ERMARD: variants seen among roughly 807,000 people sequenced by gnomAD.
ERMARD encodes the protein ER membrane associated RNA degradation.
A neutral mutation model predicts 83.9 loss-of-function variants in ERMARD; 71 were observed. That is an observed-to-expected ratio of 0.85 (90% CI 0.70 to 1.03). ERMARD has a LOEUF of 1.03. Ranked by LOEUF, ERMARD falls within the 50% of genes least tolerant of loss-of-function variation. ERMARD has a pLI of 0.00. For missense variants in ERMARD, 838 were observed against 810.9 expected, an observed-to-expected ratio of 1.03 and a Z score of -0.41; for synonymous variants, 284 against 298.6, an observed-to-expected ratio of 0.95 and a Z score of 0.50.
At chr6:169,754,112 C>T in intron 2 of ERMARD, 80 bp downstream of exon 2, 3 of 1,361,352 alleles carry the variant, frequency 2.2e-6, no homozygotes, top group Middle Eastern at 3.8e-4. Context: ...CCCTTTCTGA[C>T]CATTGGTTCC....
At chr6:169,759,659 T>A (rs1190454804) in intron 6 of ERMARD, among the ~76,000 whole-genome samples, 179 bp from the exon 7 acceptor site, 1 of 152,226 alleles carries the variant, frequency 6.6e-6, no homozygotes, top group Admixed American at 6.5e-5. Flanking sequence ...TGAGCTCAAC[T>A]GATCTGCACG....
intron 13 of ERMARD, among the ~76,000 whole-genome samples, chr6:169,774,151 C>T (rs960842803): frequency 6.6e-6 from 1 of 152,160 alleles, no homozygotes; most frequent in African/African-American, 2.4e-5. Flanking sequence ...CTGGCTAACA[C>T]AGTGAAACCC....
At position 169,755,331 on chromosome 6, in the gene ERMARD, G is replaced by A. The variant is rs781100551; in HGVS notation, c.224G>A (p.Cys75Tyr). Residue 75 changes from cysteine to tyrosine, a missense_variant, in exon 3 of 18, where the codon TGT (cysteine) becomes TAT (tyrosine). Coordinates refer to ENST00000366773, the MANE Select transcript of ERMARD (RefSeq NM_018341.3). ...AGCGTGAGGCTGCTGGGCCCTGTGT[G>A]TGAGGCTGTCCATTCACATTTCTTA... ...WGSVRLLGPV[C>Y]EAVHSHFLSL... is the part of the protein sequence containing the mutation. 1.2e-5 allele frequency: 19 copies of A among 1,614,094 alleles called. No individual in the cohort carries two copies. Among genetic ancestry groups the A allele is most frequent in the African/African-American group, 4.0e-5 (3 of 74,928 alleles).
intron 10 of ERMARD, 63 bp from the exon 11 acceptor site, chr6:169,768,040 G>C: frequency 7.2e-7 from 1 of 1,383,714 alleles, no homozygotes; most frequent in Non-Finnish European, 1.0e-6. Flanking sequence ...CATCAACTCT[G>C]AAAGTTCTGT....
chr6:169,766,992 A>G (rs575001349), intron 10 of ERMARD: 31 of 249,702 alleles, frequency 1.2e-4, no homozygotes, highest in Non-Finnish European at 1.7e-4. Flanking sequence ...ATTCCCCGCT[A>G]CTGTTACAAG....
intron 9 of ERMARD, among the ~76,000 whole-genome samples, chr6:169,766,142 G>A (rs1415295978): frequency 6.6e-6 from 1 of 152,260 alleles, no homozygotes; most frequent in African/African-American, 2.4e-5. Context: ...TCGGTTGCCT[G>A]TAGGTTTCAT....
intron 10 of ERMARD, 26 bp downstream of exon 10, chr6:169,766,693 C>G (rs536966443): frequency 8.3e-6 from 13 of 1,557,628 alleles, no homozygotes; most frequent in Non-Finnish European, 1.1e-5. Flanking sequence ...TGTAAGGTAA[C>G]TTGAAACAAA....
rs369850906 is a variant in ERMARD at position 169,760,734 on chromosome 6, C to G, written c.835C>G (p.Leu279Val). ...CATGTTACCATATTGGGAAGTTGCA[C>G]TGGTCAAGTTCAAGTCACACAGGTA... ...KIMLPYWEVA[L>V]VKFKSHRFAD... The change falls in exon 8 of 18, where the codon CTG (leucine) becomes GTG (valine). Residue 279 changes from leucine to valine, a missense_variant. Leu to Val is a conservative substitution (Grantham distance 32). Coordinates refer to ENST00000366773, the MANE Select transcript of ERMARD (RefSeq NM_018341.3). 7.4e-6 allele frequency: 12 copies of G among 1,613,736 alleles called. No individual in the cohort carries two copies. Among genetic ancestry groups the G allele is most frequent in the Middle Eastern group, 3.3e-4 (2 of 6,062 alleles).
At chr6:169,775,641 G>T (rs1157461947) in intron 14 of ERMARD, among the ~76,000 whole-genome samples, 1 of 152,256 alleles carries the variant, frequency 6.6e-6, no homozygotes, top group East Asian at 1.9e-4. Context: ...CTGAAGCTCA[G>T]GAGAGAAGTA....
At chr6:169,765,590 G>A (rs750900328) in intron 9 of ERMARD, among the ~76,000 whole-genome samples, 2 of 152,184 alleles carry the variant, frequency 1.3e-5, no homozygotes, top group African/African-American at 2.4e-5. Context: ...TGTGGTAGAC[G>A]TTGGATATTT....
intron 1 of ERMARD, chr6:169,751,901 C>T (rs965373098): frequency 1.1e-4 from 60 of 548,378 alleles, no homozygotes; most frequent in Non-Finnish European, 1.5e-4. Context: ...TCGGTTTCTC[C>T]GTCGCCTCCT....
At chr6:169,774,044 G>A (rs1314455747) in intron 13 of ERMARD, among the ~76,000 whole-genome samples, 2 of 152,134 alleles carry the variant, frequency 1.3e-5, no homozygotes, top group South Asian at 2.1e-4. Context: ...TTAAAGAAAC[G>A]GTGCCTAGAG....
At position 169,779,306 on chromosome 6, in the gene ERMARD, C is replaced by T. The variant is rs747944374; in HGVS notation, c.1853+11C>T. ...TCAGCAGTACCTAAAGTAAGTGTGT[C>T]ACAGTATGTCTGCAGTCACATTGCA... On this transcript the variant is annotated intron_variant, in intron 17 of 17. Coordinates refer to ENST00000366773, the MANE Select transcript of ERMARD (RefSeq NM_018341.3). 6.2e-6 allele frequency: 10 copies of T among 1,607,938 alleles called. No homozygotes were observed. In the South Asian group the frequency reaches 8.8e-5, roughly 14 times the overall value.
intron 14 of ERMARD, 111 bp from the exon 15 acceptor site, chr6:169,775,829 T>G (rs1793521907): frequency 7.6e-7 from 1 of 1,317,966 alleles, no homozygotes; most frequent in African/African-American, 1.5e-5. Flanking sequence ...TTGAGGAAAG[T>G]GAGATTCACA....
In ERMARD at chr6:169,757,647, C is replaced by G. The variant is rs546191981; in HGVS notation, c.507+839C>G. Among the ~76,000 whole-genome samples the G allele has an allele frequency of 1.6e-4, 25 of 152,234 alleles. No individual in the cohort carries two copies. The South Asian group carries it at 3.3e-3, about 20-fold the overall frequency. Reference sequence around the variant, plus strand: ...AGGACTAATGAATAACCTTAGGCAGCTGATTGAGGCAGGGTCAAGATGGAG... The same window carrying G: ...AGGACTAATGAATAACCTTAGGCAGGTGATTGAGGCAGGGTCAAGATGGAG... On this transcript the variant is annotated intron_variant, in intron 5 of 17. Transcript: ENST00000366773.
chr6:169,779,153 C>A, intron 16 of ERMARD, 29 bp from the exon 17 acceptor site: 1 of 1,570,588 alleles, frequency 6.4e-7, no homozygotes, highest in Non-Finnish European at 8.8e-7. Context: ...CATATCCTCA[C>A]ATTTTAATTT....
upstream of ERMARD, chr6:169,751,515 C>T: frequency 2.5e-6 from 4 of 1,611,202 alleles, no homozygotes; most frequent in Middle Eastern, 3.3e-4. Context: ...CGGTCAAACG[C>T]CCTAGCCAGT....
Position 169,755,282 on chromosome 6 carries a change from G to A in ERMARD, c.176-1G>A. On this transcript the variant is annotated splice_acceptor_variant, in intron 2 of 17. Transcript: ENST00000366773. LOFTEE classifies it high-confidence loss of function. ...TGAAATTTGTTTTCTTATCCTTTAA[G>A]AGCAGGGTCTGGATTACTGGGGAAG... 6.2e-7 allele frequency: 1 copy of A among 1,613,526 alleles called. No homozygotes were observed. Among genetic ancestry groups the A allele is most frequent in the Non-Finnish European group, 8.5e-7 (1 of 1,179,844 alleles).
Position 169,760,657 on chromosome 6 carries a change from T to C in ERMARD, c.758T>C (p.Val253Ala). 2 of 1,605,550 alleles carry C rather than the reference T, an allele frequency of 1.2e-6. No homozygotes were observed. The highest frequency in any genetic ancestry group is 1.1e-5 in the South Asian group (1 of 90,704). Residue 253 changes from valine (V) to alanine (A), a missense_variant, in exon 8 of 18, where the codon GTG (valine) becomes GCG (alanine). Transcript: ENST00000366773. The stretch of plus-strand genomic sequence containing the variant: ...TATTTTACAGATGTTACTTATGAGG[T>C]GCTTTCAGTATTAGAAGAAGTGATG... Reference protein sequence around the residue: ...LIVFPDVTYEVLSVLEEVMMK... With the variant: ...LIVFPDVTYEALSVLEEVMMK...
Sources: allele counts gnomAD v4.1 joint callset (sites outside exome capture counted in the v4.1 genomes callset), GRCh38; gene constraint gnomAD v4.1.1; transcripts MANE v1.5; gene names NCBI Gene and HGNC (gene_info 2026-07-23, HGNC 2026-07-21).